Variants in FER observed in about 807,000 individuals in gnomAD.
The protein encoded by FER is FER tyrosine kinase, also known as tyrosine-protein kinase Fer.
Under a neutral mutation model 111.0 loss-of-function variants are expected in FER, and 63 were observed. The observed-to-expected ratio is 0.57, with a 90% CI of 0.46 to 0.70. The LOEUF is 0.70. Among genes scored for constraint, FER ranks in the 30% least tolerant of loss-of-function variants. The pLI, the probability that FER is intolerant of heterozygous loss-of-function variation, is 0.00. For synonymous variants in FER, 327 were observed against 313.9 expected, an observed-to-expected ratio of 1.04 and a Z score of -0.44; for missense variants, 914 against 954.0, an observed-to-expected ratio of 0.96 and a Z score of 0.55.
intron 1 of FER, among the ~76,000 whole-genome samples, chr5:108,765,066 G>A (rs932737847): frequency 4.6e-5 from 7 of 152,182 alleles, no homozygotes; most frequent in African/African-American, 1.7e-4. Context: ...GTGCGTTAGA[G>A]ATGAAAGTAT....
intron 10 of FER, among the ~76,000 whole-genome samples, chr5:108,917,779 C>G (rs984702567): frequency 1.3e-5 from 2 of 152,178 alleles, no homozygotes; most frequent in African/African-American, 4.8e-5. Context: ...ATGACCATGT[C>G]TGGGAGTCTG....
intron 2 of FER, among the ~76,000 whole-genome samples, chr5:108,778,528 A>G (rs1004759088): frequency 6.6e-6 from 1 of 152,206 alleles, no homozygotes; most frequent in African/African-American, 2.4e-5. Flanking sequence ...CTGTTCTGAT[A>G]AATGTGAGGT....
intron 10 of FER, among the ~76,000 whole-genome samples, chr5:108,914,344 A>G (rs758397862): frequency 6.6e-5 from 10 of 151,992 alleles, no homozygotes; most frequent in Non-Finnish European, 1.3e-4. Context: ...TAAACCATAT[A>G]TGCCATACTT....
In FER at chr5:109,188,591, T is replaced by C. The variant is rs1247205531; in HGVS notation, c.*1016T>C. On this transcript the variant is annotated 3_prime_UTR_variant, in exon 20 of 20. Transcript: ENST00000281092. The stretch of plus-strand genomic sequence containing the variant: ...ATATAAAACCACCTTATCAGAGTTA[T>C]GCCTTTCTAAACATCTAAACAAACA... 6.6e-6 allele frequency: 1 copy of C among 152,130 alleles called. No individual in the cohort carries two copies. The highest frequency in any genetic ancestry group is 1.5e-5 in the Non-Finnish European group (1 of 68,014). The allele number at this position is 152,130 out of a possible 1,614,324, so 9.4% of individuals were successfully genotyped here. A position where few individuals can be genotyped will look rare whatever the true frequency, so the allele number is the denominator to read the frequency against.
intron 13 of FER, among the ~76,000 whole-genome samples, chr5:108,982,121 C>T (rs940100021): frequency 1.3e-5 from 2 of 152,012 alleles, no homozygotes; most frequent in African/African-American, 4.8e-5. Context: ...TTTCTGACTC[C>T]ACCCCACACC....
chr5:109,177,449 C>T (rs1757825228), intron 17 of FER: 1 of 151,278 alleles, frequency 6.6e-6, no homozygotes, highest in Non-Finnish European at 1.5e-5. Context: ...ATTTCTCTAA[C>T]TTTTTTTACA....
intron 16 of FER, among the ~76,000 whole-genome samples, chr5:109,089,783 A>C (rs972126198): frequency 1.3e-5 from 2 of 152,158 alleles, no homozygotes; most frequent in African/African-American, 4.8e-5. Flanking sequence ...TGAAATGTTT[A>C]GCCAGTATTC....
rs546081887 is a variant in FER at position 109,047,328 on chromosome 5, AAG to A, written c.1924+133_1924+134del. The A allele has an allele frequency of 1.9e-4, 111 of 586,414 alleles. 2 individuals carry two copies. The South Asian group carries it at 2.6e-3, about 14-fold the overall frequency. The allele number at this position is 586,414 out of a possible 1,614,324, so 36.3% of individuals were successfully genotyped here. The stretch of plus-strand genomic sequence containing the variant: ...TTTGTTTAACATTTCCAGATAACAA[AAG>A]AGTCTGTACCTATAGTCAGTATTTT... On this transcript the variant is annotated intron_variant, in intron 16 of 19. Transcript: ENST00000281092.
At chr5:108,898,071 C>G (rs1005168067) in intron 10 of FER, among the ~76,000 whole-genome samples, 7 of 152,146 alleles carry the variant, frequency 4.6e-5, no homozygotes, top group African/African-American at 1.7e-4. Context: ...AAGTTCTTCT[C>G]TTGCCTTCAA....
At chr5:108,872,013 T>C in intron 7 of FER, 80 bp from the exon 8 acceptor site, 1 of 1,337,986 alleles carries the variant, frequency 7.5e-7, no homozygotes. Context: ...TAAAAACAAA[T>C]ATTCTGCCTT....
chr5:108,894,599 C>G, intron 9 of FER: 3 of 378,636 alleles, frequency 7.9e-6, no homozygotes, highest in South Asian at 4.9e-5. Flanking sequence ...CATGCTTGCC[C>G]TCAAGGGACT....
chr5:108,971,133 A>G (rs1760598191), intron 13 of FER, among the ~76,000 whole-genome samples: 1 of 152,124 alleles, frequency 6.6e-6, no homozygotes, highest in African/African-American at 2.4e-5. Flanking sequence ...TGTTTCAAAT[A>G]GTACTTGTGT....
chr5:109,118,216 G>T (rs568383539), intron 17 of FER, among the ~76,000 whole-genome samples: 6 of 152,256 alleles, frequency 3.9e-5, no homozygotes, highest in Admixed American at 6.5e-5. Context: ...TTAGCATGAA[G>T]CGTTGTTGAA....
At chr5:108,769,932 CTGA>C (rs144814416) in intron 2 of FER, among the ~76,000 whole-genome samples, 8,555 of 151,682 alleles carry the variant, frequency 0.056, 300 homozygotes, top group South Asian at 0.11. Flanking sequence ...TTTTTTTCCA[CTGA>C]TGATGATGAT....
intron 16 of FER, among the ~76,000 whole-genome samples, chr5:109,081,602 G>A (rs184300531): frequency 2.2e-3 from 336 of 152,048 alleles, no homozygotes; most frequent in African/African-American, 7.5e-3. Flanking sequence ...TATTGAAACC[G>A]ATTTAGCTTT....
At chr5:108,957,674 C>A (rs1357800148) in intron 12 of FER, among the ~76,000 whole-genome samples, 1 of 151,528 alleles carries the variant, frequency 6.6e-6, no homozygotes, top group Non-Finnish European at 1.5e-5. Flanking sequence ...CAGTACTATT[C>A]ACAGTAGCAA....
At chr5:109,148,353 C>G (rs1316665358) in intron 17 of FER, among the ~76,000 whole-genome samples, 1 of 151,980 alleles carries the variant, frequency 6.6e-6, no homozygotes, top group Non-Finnish European at 1.5e-5. Flanking sequence ...AGATTTTAAT[C>G]TGCAAGTTAG....
intron 16 of FER, among the ~76,000 whole-genome samples, chr5:109,082,093 G>A (rs535568183): frequency 6.6e-6 from 1 of 152,048 alleles, no homozygotes; most frequent in East Asian, 1.9e-4. Context: ...AAGTTAGAAG[G>A]CCTTTGGCAC....
chr5:109,052,627 A>G (rs1773004266), intron 16 of FER, among the ~76,000 whole-genome samples: 1 of 152,230 alleles, frequency 6.6e-6, no homozygotes, highest in African/African-American at 2.4e-5. Flanking sequence ...TCCCCCAATG[A>G]AAGAAAAGTG....
Sources: gnomAD v4.1 joint callset for allele counts (sites outside exome capture counted in the v4.1 genomes callset) on GRCh38, gnomAD v4.1.1 for gene constraint, MANE v1.5 for transcripts, NCBI Gene and HGNC (gene_info 2026-07-23, HGNC 2026-07-21) for gene names.